Variants in NCLN observed in about 807,000 individuals in gnomAD.
NCLN encodes BOS complex subunit NCLN.
A neutral mutation model predicts 69.5 loss-of-function variants in NCLN; 34 were observed. The observed-to-expected ratio is 0.49, with a 90% CI of 0.37 to 0.65. NCLN has a LOEUF of 0.65. Among genes scored for constraint, NCLN ranks in the 30% least tolerant of loss-of-function variants. The pLI, the probability that NCLN is intolerant of heterozygous loss-of-function variation, is 0.00. For synonymous variants in NCLN, 393 were observed against 358.3 expected, an observed-to-expected ratio of 1.10 and a Z score of -1.09; for missense variants, 710 against 804.8, an observed-to-expected ratio of 0.88 and a Z score of 1.42.
intron 5 of NCLN, among the ~76,000 whole-genome samples, chr19:3,201,224 G>A (rs897876787): frequency 1.3e-5 from 2 of 152,212 alleles, no homozygotes; most frequent in African/African-American, 2.4e-5. Context: ...AGCTTCTCCC[G>A]GGCGCGGGCC....
chr19:3,190,543 C>A (rs1915792503), intron 1 of NCLN, among the ~76,000 whole-genome samples: 1 of 152,268 alleles, frequency 6.6e-6, no homozygotes, highest in African/African-American at 2.4e-5. Flanking sequence ...CCCCTGGCCC[C>A]AAGCCCGAGG....
At position 3,206,148 on chromosome 19, in the gene NCLN, G is replaced by T. The variant is rs1348731599; in HGVS notation, c.1297-4G>T. ...CTCAGGGCCATCCCCTCCTCTCTCCGCAGGGGACACCCCCAGACATGCCGG... is the reference window on the plus strand; with the variant it reads ...CTCAGGGCCATCCCCTCCTCTCTCCTCAGGGGACACCCCCAGACATGCCGG... On this transcript the variant is annotated splice_region_variant and splice_polypyrimidine_tract_variant and intron_variant, in intron 10 of 14. Coordinates refer to ENST00000246117, the MANE Select transcript of NCLN (RefSeq NM_020170.4). 3.3e-6 allele frequency: 5 copies of T among 1,524,916 alleles called. No homozygotes were observed. The highest frequency in any genetic ancestry group is 2.3e-4 in the Middle Eastern group (1 of 4,274). 94.5% of individuals were successfully genotyped at this position (1,524,916 alleles called of 1,614,324 possible). A position where few individuals can be genotyped will look rare whatever the true frequency, so the allele number is the denominator to read the frequency against.
chr19:3,196,535 A>AC (rs1160479304), intron 4 of NCLN, among the ~76,000 whole-genome samples: 1 of 150,688 alleles, frequency 6.6e-6, no homozygotes, highest in Non-Finnish European at 1.5e-5. Context: ...TCCATCATGG[A>AC]CCCCCACACA....
rs1312256627 is a variant in NCLN, at chr19:3,193,454, G to A, written c.520+26G>A. ...GTGTGCTCTGGGCTGCAGGGACGGG[G>A]CCCGTGGGCGTGGGTGTGGGGAGGC... On this transcript the variant is annotated intron_variant, in intron 3 of 14. Coordinates refer to ENST00000246117, the MANE Select transcript of NCLN (RefSeq NM_020170.4). 7.6e-6 allele frequency: 12 copies of A among 1,570,974 alleles called. No homozygotes were observed. The South Asian group carries it at 1.4e-4, about 18-fold the overall frequency.
chr19:3,199,729 C>G (rs1916075006), intron 5 of NCLN, among the ~76,000 whole-genome samples: 1 of 95,194 alleles, frequency 1.1e-5, no homozygotes. Flanking sequence ...TTGAGACAGT[C>G]TTGCTCTGTC....
chr19:3,191,646 A>T (rs1915831023), intron 1 of NCLN, among the ~76,000 whole-genome samples: 1 of 152,230 alleles, frequency 6.6e-6, no homozygotes. Context: ...ACAGGAGTTG[A>T]ATCCAGCCTG....
At position 3,192,458 on chromosome 19, in the gene NCLN, C is replaced by G; in HGVS notation, c.185-12C>G. 2 of 1,576,368 alleles carry G rather than the reference C, an allele frequency of 1.3e-6. No individual in the cohort carries two copies. Among genetic ancestry groups the G allele is most frequent in the Non-Finnish European group, 1.7e-6 (2 of 1,166,092 alleles). Reference sequence around the variant, plus strand: ...CCCGCCGAGGCTCACGACCCCGCCCCTGTGCCCACAGGCACACGGAATGCA... The same window carrying G: ...CCCGCCGAGGCTCACGACCCCGCCCGTGTGCCCACAGGCACACGGAATGCA... On this transcript the variant is annotated splice_polypyrimidine_tract_variant and intron_variant, in intron 1 of 14. Transcript: ENST00000246117.
chr19:3,191,564 A>G (rs1467717989), intron 1 of NCLN, among the ~76,000 whole-genome samples: 1 of 151,634 alleles, frequency 6.6e-6, no homozygotes, highest in African/African-American at 2.4e-5. Context: ...CTTGTGGCTC[A>G]ACACAGGGGT....
chr19:3,194,631 CT>C (rs1378798772), intron 3 of NCLN, among the ~76,000 whole-genome samples: 1 of 152,142 alleles, frequency 6.6e-6, no homozygotes, highest in African/African-American at 2.4e-5. Context: ...TTCCCAACCC[CT>C]GGTTTAGATT....
At chr19:3,194,007 G>C (rs1021816936) in intron 3 of NCLN, among the ~76,000 whole-genome samples, 1 of 152,218 alleles carries the variant, frequency 6.6e-6, no homozygotes, top group African/African-American at 2.4e-5. Flanking sequence ...CTTGCCCGGG[G>C]CTGTCATCAG....
chr19:3,186,150 CG>C lies in NCLN; in HGVS notation c.121del (p.Asp41ThrfsTer28), dbSNP rs1309845983. ...TGGTGGCGCCGCCGCTGCCTGCCGC[CG>C]ACGCCGCGCACGAGTTCACCGTGTA... ...LLVAPPLPAA[D>X]AAHEFTVYRM... On this transcript the variant is annotated frameshift_variant, in exon 1 of 15. Transcript: ENST00000246117. LOFTEE classifies it high-confidence loss of function. 1 of 1,596,088 alleles carries C rather than the reference CG, an allele frequency of 6.3e-7. No individual in the cohort carries two copies. Among genetic ancestry groups the C allele is most frequent in the Non-Finnish European group, 8.5e-7 (1 of 1,173,596 alleles).
chr19:3,193,337 G>A lies in NCLN; in HGVS notation c.429G>A (p.Val143=), dbSNP rs1489131307. 2 of 1,613,068 alleles carry A rather than the reference G, an allele frequency of 1.2e-6. No individual in the cohort carries two copies. The highest frequency in any genetic ancestry group is 1.1e-5 in the South Asian group (1 of 91,088). Residue 143 remains valine, a synonymous_variant, in exon 3 of 15, where the codon GTG becomes GTA. Coordinates refer to ENST00000246117, the MANE Select transcript of NCLN (RefSeq NM_020170.4). ...TGGCCATGGAGACCGCCGTCCCCGTGTACTTTGCCGTGGAGGACGAGGCCC... is the reference window on the plus strand; with the variant it reads ...TGGCCATGGAGACCGCCGTCCCCGTATACTTTGCCGTGGAGGACGAGGCCC... ...EMLAMETAVP[V]YFAVEDEALL... is the part of the protein sequence containing the mutation.
Position 3,185,995 on chromosome 19 carries a change from C to G in NCLN, c.-36C>G, listed in dbSNP as rs1316492573. On this transcript the variant is annotated 5_prime_UTR_variant, in exon 1 of 15. Coordinates refer to ENST00000246117, the MANE Select transcript of NCLN (RefSeq NM_020170.4). ...AGCCGCCGCCGCCGCCGTCCCGTCCCAGCTGCCGCCCCGCGCGGCCCCGCC... is the reference window on the plus strand; with the variant it reads ...AGCCGCCGCCGCCGCCGTCCCGTCCGAGCTGCCGCCCCGCGCGGCCCCGCC... The G allele has an allele frequency of 1.4e-6, 2 of 1,470,976 alleles. No homozygotes were observed. Among genetic ancestry groups the G allele is most frequent in the Non-Finnish European group, 1.8e-6 (2 of 1,110,854 alleles). 91.1% of individuals were successfully genotyped at this position (1,470,976 alleles called of 1,614,324 possible).
chr19:3,188,685 A>G (rs1915734005), intron 1 of NCLN, among the ~76,000 whole-genome samples: 1 of 152,082 alleles, frequency 6.6e-6, no homozygotes, highest in South Asian at 2.1e-4. Context: ...TCTCCTAGTG[A>G]GGAAGCTGGA....
At chr19:3,197,950 A>G (rs1916011987) in intron 4 of NCLN, among the ~76,000 whole-genome samples, 1 of 152,212 alleles carries the variant, frequency 6.6e-6, no homozygotes, top group African/African-American at 2.4e-5. Context: ...GCACACAGCC[A>G]TGCTGATGCA....
At chr19:3,198,404 G>T (rs1448956319) in intron 4 of NCLN, among the ~76,000 whole-genome samples, 2 of 151,814 alleles carry the variant, frequency 1.3e-5, no homozygotes, top group Non-Finnish European at 2.9e-5. Context: ...CTACTCTGGA[G>T]GCCGAGGCAG....
chr19:3,202,790 C>T (rs1490824906), intron 6 of NCLN, among the ~76,000 whole-genome samples: 3 of 152,128 alleles, frequency 2.0e-5, no homozygotes, highest in Non-Finnish European at 4.4e-5. Context: ...TTCCCCCAGC[C>T]CCCCACTGAT....
intron 4 of NCLN, among the ~76,000 whole-genome samples, chr19:3,196,802 C>T (rs892458082): frequency 6.6e-6 from 1 of 152,252 alleles, no homozygotes; most frequent in African/African-American, 2.4e-5. Flanking sequence ...GCTGCTGCTG[C>T]AGCACTGGCA....
chr19:3,190,739 G>C (rs11669999), intron 1 of NCLN, among the ~76,000 whole-genome samples: 60,200 of 149,524 alleles, frequency 0.4, 12,343 homozygotes, highest in East Asian at 0.54. Context: ...CCCGCCCCCG[G>C]CCCCCCTGCG....
Sources: gnomAD v4.1 joint callset for allele counts (sites outside exome capture counted in the v4.1 genomes callset) on GRCh38, gnomAD v4.1.1 for gene constraint, MANE v1.5 for transcripts, NCBI Gene and HGNC (gene_info 2026-07-23, HGNC 2026-07-21) for gene names.